C3orf49: variants seen among roughly 807,000 people sequenced by gnomAD.
C3orf49 encodes chromosome 3 open reading frame 49, also known as putative uncharacterized protein C3orf49.
A neutral mutation model predicts 13.3 loss-of-function variants in C3orf49; 27 were observed. That is an observed-to-expected ratio of 2.02 (90% CI 1.49 to 2.79). The LOEUF (loss-of-function observed/expected upper bound fraction) is 2.79. C3orf49 is among the 30% of genes most tolerant of loss of function. The pLI, the probability that C3orf49 is intolerant of heterozygous loss-of-function variation, is 0.00. For synonymous variants in C3orf49, 87 were observed against 47.6 expected, an observed-to-expected ratio of 1.83 and a Z score of -3.40; for missense variants, 242 against 134.2, an observed-to-expected ratio of 1.80 and a Z score of -3.97.
chr3:63,833,866 C>A (rs1482729886), intron 5 of C3orf49: 1 of 358,286 alleles, frequency 2.8e-6, no homozygotes, highest in Non-Finnish European at 5.0e-6. Flanking sequence ...TGAGCACAAA[C>A]ATATGCAGCT....
chr3:63,787,267 T>C, the C3orf49 span: 3 of 152,194 alleles, frequency 2.0e-5, no homozygotes, highest in African/African-American at 7.2e-5. Flanking sequence ...ATCCATTACA[T>C]ATTTACTTTT....
At chr3:63,843,564 G>A (rs530013325) in intron 5 of C3orf49, among the ~76,000 whole-genome samples, 1 of 152,244 alleles carries the variant, frequency 6.6e-6, no homozygotes, top group South Asian at 2.1e-4. Flanking sequence ...CAATAGCCAA[G>A]GTATGGAATC....
At chr3:63,803,336 A>C in the C3orf49 span, among the ~76,000 whole-genome samples, 1 of 152,332 alleles carries the variant, frequency 6.6e-6, no homozygotes, top group South Asian at 2.1e-4. Flanking sequence ...CACTTGTTTT[A>C]GCCAATGATA....
At chr3:63,831,501 G>C (rs1278866018) in intron 4 of C3orf49, among the ~76,000 whole-genome samples, 179 bp from the exon 5 acceptor site, 2 of 152,142 alleles carry the variant, frequency 1.3e-5, no homozygotes, top group African/African-American at 2.4e-5. Context: ...CTTTATCACT[G>C]GGTGGTAAAT....
intron 5 of C3orf49, chr3:63,835,315 T>C: frequency 6.2e-7 from 1 of 1,613,520 alleles, no homozygotes; most frequent in Non-Finnish European, 8.5e-7. Context: ...TAAATATATA[T>C]GCGAATACCT....
chr3:63,780,026 C>G, the C3orf49 span: 1 of 152,094 alleles, frequency 6.6e-6, no homozygotes, highest in Non-Finnish European at 1.5e-5. Flanking sequence ...TTTTAGGGTA[C>G]ATGTGCACAA....
rs1701527071 is a variant in C3orf49 at position 63,831,148 on chromosome 3, A to G, written c.609A>G (p.Ala203=). ...YSPKKRPHFP[A]LKKKKRGMEN... The stretch of plus-strand genomic sequence containing the variant: ...CAAAAAAGAGACCACACTTTCCAGC[A>G]CTTAAAAAAAAGAAGCGTGGCATGG... Residue 203 remains alanine, a synonymous_variant, in exon 4 of 7, where the codon GCA becomes GCG. Coordinates refer to ENST00000295896, the MANE Select transcript of C3orf49 (RefSeq NM_001355236.2). 4.3e-6 allele frequency: 3 copies of G among 702,878 alleles called. No individual in the cohort carries two copies. The highest frequency in any genetic ancestry group is 7.8e-6 in the Non-Finnish European group (3 of 385,016). 43.5% of individuals were successfully genotyped at this position (702,878 alleles called of 1,614,324 possible).
chr3:63,786,838 T>C, the C3orf49 span, among the ~76,000 whole-genome samples: 1 of 152,208 alleles, frequency 6.6e-6, no homozygotes, highest in Non-Finnish European at 1.5e-5. Flanking sequence ...TTAGTCACTT[T>C]ACATCATGTC....
intron 3 of C3orf49, among the ~76,000 whole-genome samples, chr3:63,828,077 A>G (rs1337794095): frequency 1.3e-5 from 2 of 152,242 alleles, no homozygotes; most frequent in East Asian, 3.8e-4. Context: ...CTTTCTGTGA[A>G]GATGTAAGTA....
upstream of C3orf49, among the ~76,000 whole-genome samples, chr3:63,815,930 C>T (rs1354562117): frequency 1.3e-5 from 2 of 151,306 alleles, no homozygotes; most frequent in African/African-American, 2.4e-5. Context: ...GGGATACAGG[C>T]GTGTGCCACC....
intron 5 of C3orf49, among the ~76,000 whole-genome samples, chr3:63,839,236 G>T (rs1701703991): frequency 6.6e-6 from 1 of 152,064 alleles, no homozygotes; most frequent in Admixed American, 6.6e-5. Flanking sequence ...TATCAGGTTG[G>T]TACAAAAGTA....
the C3orf49 span, among the ~76,000 whole-genome samples, chr3:63,813,857 T>G: frequency 1.3e-5 from 2 of 152,226 alleles, no homozygotes; most frequent in Non-Finnish European, 2.9e-5. Flanking sequence ...CAAATCCTGG[T>G]AAAACTGGGG....
chr3:63,782,051 C>G, the C3orf49 span, among the ~76,000 whole-genome samples: 1 of 152,154 alleles, frequency 6.6e-6, no homozygotes, highest in Non-Finnish European at 1.5e-5. Flanking sequence ...TAAGAACCAG[C>G]TTCTTACTGG....
upstream of C3orf49, among the ~76,000 whole-genome samples, chr3:63,818,490 C>CA (rs1442818989): frequency 2.6e-5 from 4 of 152,154 alleles, no homozygotes; most frequent in African/African-American, 9.7e-5. Flanking sequence ...TCTTGGATCC[C>CA]AGCCCAGATG....
At chr3:63,793,509 C>A in the C3orf49 span, among the ~76,000 whole-genome samples, 1 of 152,002 alleles carries the variant, frequency 6.6e-6, no homozygotes, top group Admixed American at 6.6e-5. Flanking sequence ...GCCTTTTTCC[C>A]CTTCTTCGAG....
intron 1 of C3orf49, among the ~76,000 whole-genome samples, chr3:63,821,265 A>C (rs1021195763): frequency 1.3e-5 from 2 of 152,132 alleles, no homozygotes; most frequent in African/African-American, 4.8e-5. Flanking sequence ...AAAAAGGCTG[A>C]ATGATTTGGG....
Position 63,819,607 on chromosome 3 carries a change from T to C in C3orf49, c.125+11T>C. 2.8e-6 allele frequency: 2 copies of C among 703,224 alleles called. No homozygotes were observed. Among genetic ancestry groups the C allele is most frequent in the Non-Finnish European group, 2.6e-6 (1 of 384,894 alleles). 43.6% of individuals were successfully genotyped at this position (703,224 alleles called of 1,614,324 possible). On this transcript the variant is annotated intron_variant, in intron 1 of 6. Coordinates refer to ENST00000295896, the MANE Select transcript of C3orf49 (RefSeq NM_001355236.2). ...GAAGGGGATAGAAAGGTAACAGAGA[T>C]TCATTTCCTTTTCTGTCAAATGAGA...
chr3:63,813,090 G>A, the C3orf49 span, among the ~76,000 whole-genome samples: 16 of 152,210 alleles, frequency 1.1e-4, no homozygotes, highest in South Asian at 6.2e-4. Flanking sequence ...CCTGCGCGTC[G>A]GAACTCCCAC....
At chr3:63,816,508 C>T (rs1701325958), upstream of C3orf49, among the ~76,000 whole-genome samples, 2 of 152,000 alleles carry the variant, frequency 1.3e-5, no homozygotes, top group African/African-American at 2.4e-5. Context: ...ATCGCTTGAA[C>T]CCAGAAGGTA....
Sources: allele counts gnomAD v4.1 joint callset (sites outside exome capture counted in the v4.1 genomes callset), GRCh38; gene constraint gnomAD v4.1.1; transcripts MANE v1.5; gene names NCBI Gene and HGNC (gene_info 2026-07-23, HGNC 2026-07-21).